KANK3: variants seen among roughly 807,000 people sequenced by gnomAD.
KANK3 encodes KN motif and ankyrin repeat domain-containing protein 3.
A neutral mutation model predicts 65.4 loss-of-function variants in KANK3; 61 were observed. The observed-to-expected ratio is 0.93, with a 90% CI of 0.76 to 1.15. The LOEUF (loss-of-function observed/expected upper bound fraction) is 1.15, where lower values mean the gene tolerates loss of function less well. Ranked by LOEUF, KANK3 falls within the 50% of genes most tolerant of loss-of-function variation. The pLI, the probability that KANK3 is intolerant of heterozygous loss-of-function variation, is 0.00. For missense variants in KANK3, 1,187 were observed against 1,178.8 expected (o/e 1.01, Z -0.10); for synonymous variants, 586 against 543.3 (o/e 1.08, Z -1.09).
intron 7 of KANK3, among the ~76,000 whole-genome samples, chr19:8,325,704 A>G (rs1472861271): frequency 6.6e-6 from 1 of 152,090 alleles, no homozygotes; most frequent in African/African-American, 2.4e-5. Flanking sequence ...CTGAATAATA[A>G]AAGGATATGT....
chr19:8,330,404 G>A (rs1015741254), intron 7 of KANK3, among the ~76,000 whole-genome samples: 1 of 152,244 alleles, frequency 6.6e-6, no homozygotes. Context: ...AGACCAGCCT[G>A]GCCAACATGG....
chr19:8,322,670 GC>G lies in KANK3; in HGVS notation c.*168del. 1.6e-6 allele frequency: 1 copy of G among 607,218 alleles called. No individual in the cohort carries two copies. Among genetic ancestry groups the G allele is most frequent in the Non-Finnish European group, 2.9e-6 (1 of 342,366 alleles). The allele number at this position is 607,218 out of a possible 1,614,324, so 37.6% of individuals were successfully genotyped here. ...TTGGTCCCCACCTCACCTTGGTGGG[GC>G]CAGAGTGAGCCCCTTCCTGCCACAG... On this transcript the variant is annotated 3_prime_UTR_variant, in exon 11 of 11. Transcript: ENST00000330915.
chr19:8,332,201 T>G (rs1970537894), intron 7 of KANK3, among the ~76,000 whole-genome samples: 1 of 151,250 alleles, frequency 6.6e-6, no homozygotes, highest in South Asian at 2.1e-4. Flanking sequence ...TTTCTGAGAC[T>G]GAGCCTCACT....
At chr19:8,340,620 TC>T (rs1970712224) in intron 1 of KANK3, among the ~76,000 whole-genome samples, 1 of 152,084 alleles carries the variant, frequency 6.6e-6, no homozygotes, top group Non-Finnish European at 1.5e-5. Context: ...GCTTCTCGAA[TC>T]CCTGGGACCA....
At chr19:8,342,956 C>T (rs1481976646) in intron 1 of KANK3, among the ~76,000 whole-genome samples, 2 of 152,142 alleles carry the variant, frequency 1.3e-5, no homozygotes, top group Non-Finnish European at 2.9e-5. Context: ...CCGGTTGTGG[C>T]ATTAGGGAGC....
At chr19:8,324,572 A>T in intron 9 of KANK3, 25 bp from the exon 10 acceptor site, 2 of 1,612,508 alleles carry the variant, frequency 1.2e-6, no homozygotes, top group Non-Finnish European at 1.7e-6. Flanking sequence ...GGACAGTCAG[A>T]TCCCTGAGCC....
chr19:8,334,024 C>T lies in KANK3; in HGVS notation c.1520G>A (p.Gly507Glu), dbSNP rs1970580709. Residue 507 changes from glycine to glutamate, a missense_variant, in exon 5 of 11, where the codon GGG (glycine) becomes GAG (glutamate). Around this residue, in one of 3 missense-constraint regions of KANK3, gnomAD observed 1,078 missense variants for 1,038.2 expected, o/e 1.04. Transcript: ENST00000330915. ...AEPPGSSSGSGDDSGGGSDSG... is the reference protein window; with the variant it reads ...AEPPGSSSGSEDDSGGGSDSG... Reference sequence around the variant, plus strand: ...GTCGGATCCCCCGCCGCTGTCATCCCCGGAGCCCGAGGAGCTACCCGGGGG... The same window carrying T: ...GTCGGATCCCCCGCCGCTGTCATCCTCGGAGCCCGAGGAGCTACCCGGGGG... The T allele has an allele frequency of 6.4e-7, 1 of 1,554,732 alleles. No homozygotes were observed. The highest frequency in any genetic ancestry group is 2.4e-5 in the East Asian group (1 of 41,734).
At chr19:8,339,867 G>A (rs891109788) in intron 1 of KANK3, among the ~76,000 whole-genome samples, 1 of 151,540 alleles carries the variant, frequency 6.6e-6, no homozygotes, top group Admixed American at 6.6e-5. Context: ...AAGAAGCTGA[G>A]GCAGGAGTAT....
chr19:8,341,885 A>G (rs183261141), intron 1 of KANK3, among the ~76,000 whole-genome samples: 76 of 152,358 alleles, frequency 5.0e-4, no homozygotes, highest in African/African-American at 1.6e-3. Context: ...AGAAACTGAG[A>G]CACAGAACAG....
intron 7 of KANK3, among the ~76,000 whole-genome samples, chr19:8,329,863 C>T (rs1444561819): frequency 6.6e-6 from 1 of 152,168 alleles, no homozygotes; most frequent in African/African-American, 2.4e-5. Flanking sequence ...AATGAGTATT[C>T]TACCTTACCA....
chr19:8,333,214 A>C lies in KANK3; in HGVS notation c.1736T>G (p.Val579Gly), dbSNP rs747094083. 48 of 1,611,238 alleles carry C rather than the reference A, an allele frequency of 3.0e-5. No homozygotes were observed. The highest frequency in any genetic ancestry group is 3.8e-5 in the Non-Finnish European group (45 of 1,179,540). ...GGACACTCGAAACCACTCCTGGGCC[A>C]CGAGGCGCACTGCGCCCTGCAAGGG... is the stretch of plus-strand genomic sequence containing the variant. ...VASDGGAVRL[V>G]AQEWFRVSSQ... Residue 579 changes from valine (V) to glycine (G), a missense_variant, in exon 7 of 11, where the codon GTG (valine) becomes GGG (glycine). By Grantham distance (109) the Val-to-Gly change is moderately radical. Coordinates refer to ENST00000330915, the MANE Select transcript of KANK3 (RefSeq NM_198471.3). This position sits in a 1 kb window ranked among gnomAD's most constrained non-coding sequence, Gnocchi z 5.0.
chr19:8,324,428 TTC>T lies in KANK3; in HGVS notation c.2382+19_2382+20del. 2 of 1,566,678 alleles carry T rather than the reference TTC, an allele frequency of 1.3e-6. No individual in the cohort carries two copies. The highest frequency in any genetic ancestry group is 1.4e-5 in the African/African-American group (1 of 73,612). On this transcript the variant is annotated intron_variant, in intron 10 of 10. Transcript: ENST00000330915. Reference sequence around the variant, plus strand: ...TGAATTTGCAGCTGGGAAAGTTTGTTTCTTCCAGAGCTGTGCTCACCTGGGTG... The same window carrying T: ...TGAATTTGCAGCTGGGAAAGTTTGTTTTCCAGAGCTGTGCTCACCTGGGTG...
intron 7 of KANK3, among the ~76,000 whole-genome samples, chr19:8,331,980 CTTTTTTTTTTTTTTT>C (rs1166441751): frequency 1.0e-4 from 7 of 67,892 alleles, no homozygotes; most frequent in East Asian, 9.1e-4. Context: ...CAAAAGGCCT[CTTTTTTTTTTTTTTT>C]TTTTTTTTTT....
At chr19:8,326,051 C>T (rs530849469) in intron 7 of KANK3, among the ~76,000 whole-genome samples, 13 of 152,212 alleles carry the variant, frequency 8.5e-5, no homozygotes, top group Middle Eastern at 3.4e-3. Context: ...TCTCGAACTC[C>T]GACCTCATGA....
chr19:8,330,857 T>C (rs4044548), intron 7 of KANK3, among the ~76,000 whole-genome samples: 41,059 of 147,176 alleles, frequency 0.28, 5,850 homozygotes, highest in African/African-American at 0.35. Context: ...TGAGCTGATA[T>C]TGCACCACTG....
intron 7 of KANK3, among the ~76,000 whole-genome samples, chr19:8,330,392 C>A (rs544166079): frequency 3.9e-5 from 6 of 152,186 alleles, no homozygotes; most frequent in Non-Finnish European, 7.4e-5. Context: ...GTCAGGAGTT[C>A]AAGACCAGCC....
intron 7 of KANK3, 143 bp from the exon 8 acceptor site, chr19:8,325,239 C>T (rs1256707185): frequency 2.5e-6 from 2 of 801,004 alleles, no homozygotes; most frequent in East Asian, 2.8e-5. Context: ...CTGGTTCCTC[C>T]CTCACTAAGG....
intron 10 of KANK3, 31 bp downstream of exon 10, chr19:8,324,418 G>T (rs1467585592): frequency 6.4e-7 from 1 of 1,550,674 alleles, no homozygotes; most frequent in Admixed American, 1.9e-5. Flanking sequence ...TTGCAGCTGG[G>T]AAAGTTTGTT....
chr19:8,329,040 G>A (rs1031872981), intron 7 of KANK3, among the ~76,000 whole-genome samples: 21 of 151,554 alleles, frequency 1.4e-4, no homozygotes, highest in African/African-American at 4.1e-4. Flanking sequence ...GCGTGGTGGC[G>A]GACACCTGTA....
Sources: gnomAD v4.1 joint callset for allele counts (sites outside exome capture counted in the v4.1 genomes callset) on GRCh38, gnomAD v4.1.1 for gene constraint, gnomAD v4.1.1 regional missense constraint, Gnocchi (gnomAD v3.1) non-coding constraint, MANE v1.5 for transcripts, NCBI Gene and HGNC (gene_info 2026-07-23, HGNC 2026-07-21) for gene names.